Variants in TG observed in about 807,000 individuals in gnomAD.
TG encodes thyroid hormones.
In TG, 270 loss-of-function variants were observed where a neutral mutation model predicts 324.7. That is an observed-to-expected ratio of 0.83 (90% CI 0.75 to 0.92). TG has a LOEUF of 0.92. Among genes scored for constraint, TG ranks in the 40% least tolerant of loss-of-function variants. The pLI is 0.00. For missense variants in TG, 3,591 were observed against 3,456.4 expected, an observed-to-expected ratio of 1.04 and a Z score of -0.98; for synonymous variants, 1,401 against 1,327.0, an observed-to-expected ratio of 1.06 and a Z score of -1.21.
chr8:132,934,579 C>A (rs926281208), intron 24 of TG, among the ~76,000 whole-genome samples: 1 of 152,128 alleles, frequency 6.6e-6, no homozygotes, highest in Admixed American at 6.5e-5. Flanking sequence ...CTCAGGTCTG[C>A]GGGAATGTCT....
At chr8:133,068,679 C>T (rs966324429) in intron 41 of TG, among the ~76,000 whole-genome samples, 5 of 152,186 alleles carry the variant, frequency 3.3e-5, no homozygotes, top group Non-Finnish European at 5.9e-5. Flanking sequence ...GTGACCCAGA[C>T]GTGTCAGTAC....
intron 31 of TG, 85 bp downstream of exon 31, chr8:132,968,055 T>C (rs1366922425): frequency 2.7e-6 from 4 of 1,486,346 alleles, no homozygotes; most frequent in Non-Finnish European, 3.7e-6. Context: ...ATTAGTTTCT[T>C]ATTTAAAAAA....
intron 11 of TG, among the ~76,000 whole-genome samples, chr8:132,894,712 C>T (rs903815404): frequency 2.0e-5 from 3 of 152,188 alleles, no homozygotes; most frequent in African/African-American, 4.8e-5. Flanking sequence ...CTGTCTGCCT[C>T]GGCCTCCCAA....
chr8:132,883,876 G>A (rs1815012124), intron 8 of TG, among the ~76,000 whole-genome samples: 1 of 152,210 alleles, frequency 6.6e-6, no homozygotes. Flanking sequence ...GAAATGTATT[G>A]TCTCTGTTCT....
intron 32 of TG, 131 bp from the exon 33 acceptor site, chr8:132,971,663 C>A (rs1233842514): frequency 1.4e-5 from 10 of 715,518 alleles, no homozygotes; most frequent in Non-Finnish European, 2.6e-5. Context: ...GACCAAAGCA[C>A]CCCCAGTTTA....
At chr8:132,867,523 GTTTT>G (rs11325505) in intron 1 of TG, among the ~76,000 whole-genome samples, 1 of 124,962 alleles carries the variant, frequency 8.0e-6, no homozygotes. Context: ...CCAAGCTTCT[GTTTT>G]TTTTTTTTTT....
At chr8:132,898,022 G>A in intron 12 of TG, 147 bp from the exon 13 acceptor site, 3 of 927,834 alleles carry the variant, frequency 3.2e-6, no homozygotes, top group Non-Finnish European at 5.1e-6. Context: ...AGTGATTGTG[G>A]ACAATGTCCG....
chr8:132,920,336 A>G (rs1563956509), intron 21 of TG, among the ~76,000 whole-genome samples: 1 of 152,224 alleles, frequency 6.6e-6, no homozygotes, highest in Non-Finnish European at 1.5e-5. Flanking sequence ...TTGTGCTTAC[A>G]ATCCAAATAA....
intron 41 of TG, among the ~76,000 whole-genome samples, chr8:133,062,365 G>A (rs1407743010): frequency 6.6e-6 from 1 of 152,204 alleles, no homozygotes; most frequent in African/African-American, 2.4e-5. Context: ...TGAGCCTGGC[G>A]AAGGTACCCA....
At chr8:133,024,760 A>G (rs528360320) in intron 40 of TG, among the ~76,000 whole-genome samples, 2 of 151,118 alleles carry the variant, frequency 1.3e-5, no homozygotes, top group African/African-American at 4.9e-5. Flanking sequence ...TTATGGCTGC[A>G]TAGTATTCCA....
chr8:133,087,407 T>G (rs1357455093), intron 41 of TG, among the ~76,000 whole-genome samples: 2 of 152,174 alleles, frequency 1.3e-5, no homozygotes, highest in East Asian at 3.9e-4. Flanking sequence ...GGACCTCTTA[T>G]CTCAGCCAGA....
rs761978439 is a variant in TG, at chr8:132,913,279, C to A, written c.4378+14C>A. The A allele has an allele frequency of 6.2e-7, 1 of 1,612,642 alleles. No homozygotes were observed. Among genetic ancestry groups the A allele is most frequent in the South Asian group, 1.1e-5 (1 of 91,016 alleles). On this transcript the variant is annotated intron_variant, in intron 20 of 47. Coordinates refer to ENST00000220616, the MANE Select transcript of TG (RefSeq NM_003235.5). ...GACTGGGATGCGGTAGGTCCACTCTCTCCCTGGATATCTCCTGTGGAGCCA... is the reference window on the plus strand; with the variant it reads ...GACTGGGATGCGGTAGGTCCACTCTATCCCTGGATATCTCCTGTGGAGCCA...
chr8:132,895,592 C>G (rs1213110700), intron 11 of TG, among the ~76,000 whole-genome samples: 1 of 152,250 alleles, frequency 6.6e-6, no homozygotes, highest in Non-Finnish European at 1.5e-5. Flanking sequence ...TTATTGCTTT[C>G]TTCCTCCCTT....
At chr8:133,024,316 T>C (rs1279439814) in intron 40 of TG, among the ~76,000 whole-genome samples, 1 of 33,476 alleles carries the variant, frequency 3.0e-5, no homozygotes, top group Non-Finnish European at 6.6e-5. Context: ...TTTTCTTTCT[T>C]TCTTTCTTTC....
intron 40 of TG, among the ~76,000 whole-genome samples, chr8:133,028,419 G>A (rs1008166494): frequency 6.6e-6 from 1 of 152,178 alleles, no homozygotes; most frequent in Non-Finnish European, 1.5e-5. Context: ...AATTTGTGTC[G>A]TTATGCACTC....
At chr8:133,055,097 G>A (rs143104037) in intron 41 of TG, among the ~76,000 whole-genome samples, 99 of 152,184 alleles carry the variant, frequency 6.5e-4, no homozygotes, top group African/African-American at 2.3e-3. Context: ...CCTTCACGGA[G>A]CCACACGGCT....
intron 33 of TG, chr8:132,972,356 A>G (rs2130548442): frequency 1.7e-6 from 1 of 573,978 alleles, no homozygotes; most frequent in African/African-American, 1.9e-5. Flanking sequence ...GAGACCTAGC[A>G]CAGCCCTAAG....
At chr8:133,026,646 G>T (rs1564086779) in intron 40 of TG, among the ~76,000 whole-genome samples, 1 of 152,172 alleles carries the variant, frequency 6.6e-6, no homozygotes, top group Non-Finnish European at 1.5e-5. Context: ...GAGGAAATGC[G>T]CTTTGGCCAG....
At position 132,886,377 on chromosome 8, in the gene TG, A is replaced by T. The variant is rs1221385549; in HGVS notation, c.1076-71A>T. ...GTTCTGGCTTCTTACTACCTAAAGGATCTGAGGAGCTGTCTCAGGATTGCT... is the reference window on the plus strand; with the variant it reads ...GTTCTGGCTTCTTACTACCTAAAGGTTCTGAGGAGCTGTCTCAGGATTGCT... On this transcript the variant is annotated intron_variant, in intron 8 of 47. Transcript: ENST00000220616. The T allele has an allele frequency of 4.4e-6, 7 of 1,600,108 alleles. No individual in the cohort carries two copies. The African/African-American group carries it at 6.7e-5, about 15-fold the overall frequency.
Sources: gnomAD v4.1 joint callset for allele counts (sites outside exome capture counted in the v4.1 genomes callset) on GRCh38, gnomAD v4.1.1 for gene constraint, MANE v1.5 for transcripts, NCBI Gene and HGNC (gene_info 2026-07-23, HGNC 2026-07-21) for gene names.